Variants in BLM observed in about 807,000 individuals in gnomAD.
BLM encodes the protein recQ-like DNA helicase BLM.
BLM carries 95 observed loss-of-function variants against 135.3 expected under a neutral mutation model. The observed-to-expected ratio is 0.70, with a 90% CI of 0.59 to 0.83. The LOEUF (loss-of-function observed/expected upper bound fraction) is 0.83, where lower values mean the gene tolerates loss of function less well. Ranked by LOEUF, BLM falls within the 40% of genes least tolerant of loss-of-function variation. The probability of loss-of-function intolerance (pLI) is 0.00; values close to 1 mark genes in which losing one functional copy is unlikely to be tolerated. For synonymous variants in BLM, 520 were observed against 589.2 expected, an observed-to-expected ratio of 0.88 and a Z score of 1.70; for missense variants, 1,518 against 1,663.9, an observed-to-expected ratio of 0.91 and a Z score of 1.53.
intron 14 of BLM, among the ~76,000 whole-genome samples, chr15:90,789,558 A>T (rs1896844988): frequency 6.6e-6 from 1 of 152,270 alleles, no homozygotes; most frequent in South Asian, 2.1e-4. Context: ...TTTGCCTTTG[A>T]TCAGAGTGCC....
At position 90,800,337 on chromosome 15, in the gene BLM, C is replaced by T. The variant is rs145046625; in HGVS notation, c.3358+2000C>T. Among the ~76,000 whole-genome samples, 46 of 152,300 alleles carry T rather than the reference C, an allele frequency of 3.0e-4. 1 individual carries two copies. In the East Asian group the frequency reaches 8.7e-3, roughly 29 times the overall value. On this transcript the variant is annotated intron_variant, in intron 17 of 21. Coordinates refer to ENST00000355112, the MANE Select transcript of BLM (RefSeq NM_000057.4). ...ACCCATGGGTCCAGTGAAGAAAACC[C>T]ATAGTCACAGTCAGGCAGCAGGGCC...
At chr15:90,755,829 G>T (rs966852787) in intron 5 of BLM, among the ~76,000 whole-genome samples, 2 of 151,934 alleles carry the variant, frequency 1.3e-5, no homozygotes, top group Non-Finnish European at 2.9e-5. Flanking sequence ...CAATTTCCGA[G>T]AGCTCTTCTT....
Position 90,768,529 on chromosome 15 carries a change from C to G in BLM, c.2308-604C>G, listed in dbSNP as rs74537074. On this transcript the variant is annotated intron_variant, in intron 10 of 21. Coordinates refer to ENST00000355112, the MANE Select transcript of BLM (RefSeq NM_000057.4). ...CATCCATATAACCCAGATATGTAAC[C>G]CTGTTGCCAATGTAAATGTATGGTG... Among the ~76,000 whole-genome samples the G allele has an allele frequency of 4.9e-3, 744 of 152,192 alleles. 6 individuals are homozygous for G. Among genetic ancestry groups the G allele is most frequent in the African/African-American group, 0.017 (721 of 41,532 alleles).
chr15:90,797,913 T>G (rs1037363812), intron 16 of BLM, among the ~76,000 whole-genome samples: 3 of 152,062 alleles, frequency 2.0e-5, no homozygotes, highest in South Asian at 2.1e-4. Flanking sequence ...AATTGTGTGT[T>G]TGTGTGTGTG....
At position 90,794,337 on chromosome 15, in the gene BLM, G is replaced by T; in HGVS notation, c.3190G>T (p.Asp1064Tyr). The T allele has an allele frequency of 6.3e-7, 1 of 1,597,826 alleles. No individual in the cohort carries two copies. The highest frequency in any genetic ancestry group is 1.2e-5 in the South Asian group (1 of 85,848). ...TAAGAAACACCCAGATGTTTCTTGT[G>T]ATAATTGCTGTAAAACAAAGGTAAA... Reference protein sequence around the residue: ...FCKKHPDVSCDNCCKTKDYKT... With the variant: ...FCKKHPDVSCYNCCKTKDYKT... The change falls in exon 16 of 22, where the codon GAT (aspartate) becomes TAT (tyrosine). Residue 1064 changes from aspartate to tyrosine, a missense_variant. This residue lies in a region of BLM where 626 missense variants were observed against 681.1 expected (regional missense o/e 0.92). Coordinates refer to ENST00000355112, the MANE Select transcript of BLM (RefSeq NM_000057.4).
At chr15:90,798,032 C>G (rs1897071573) in intron 16 of BLM, among the ~76,000 whole-genome samples, 158 bp from the exon 17 acceptor site, 2 of 151,998 alleles carry the variant, frequency 1.3e-5, no homozygotes, top group South Asian at 4.2e-4. Context: ...TGTTCTAGAA[C>G]TTAGATAAGA....
intron 15 of BLM, among the ~76,000 whole-genome samples, chr15:90,793,028 T>A (rs1896942944): frequency 1.3e-5 from 2 of 150,532 alleles, no homozygotes. Flanking sequence ...AAAAAAAAAA[T>A]TTAGGCCCAA....
At chr15:90,790,904 C>G in intron 15 of BLM, 60 bp downstream of exon 15, 1 of 1,489,402 alleles carries the variant, frequency 6.7e-7, no homozygotes, top group Non-Finnish European at 9.3e-7. Context: ...TAGTAGTCTA[C>G]TCCTGCTATT....
At chr15:90,790,385 C>CATGA in intron 14 of BLM, 1 of 474,914 alleles carries the variant, frequency 2.1e-6, no homozygotes. Flanking sequence ...GGCTCTCTTA[C>CATGA]ATGAGAATGC....
At chr15:90,782,185 C>T (rs188407013) in intron 12 of BLM, among the ~76,000 whole-genome samples, 135 of 152,110 alleles carry the variant, frequency 8.9e-4, no homozygotes, top group Admixed American at 3.7e-3. Context: ...GTCAGGAGTT[C>T]GAGACCAGCC....
chr15:90,803,370 C>G (rs925042658), intron 17 of BLM, 151 bp from the exon 18 acceptor site: 2 of 645,038 alleles, frequency 3.1e-6, no homozygotes, highest in African/African-American at 3.8e-5. Flanking sequence ...TACTCAAATA[C>G]TCTCATTTAA....
intron 6 of BLM, 137 bp from the exon 7 acceptor site, chr15:90,760,457 C>A: frequency 8.1e-7 from 1 of 1,239,238 alleles, no homozygotes; most frequent in South Asian, 1.3e-5. Flanking sequence ...CATTCGTATT[C>A]ATGTTTTTAA....
At chr15:90,719,576 CAG>C (rs1894712719) in intron 1 of BLM, among the ~76,000 whole-genome samples, 1 of 152,106 alleles carries the variant, frequency 6.6e-6, no homozygotes, top group Non-Finnish European at 1.5e-5. Context: ...GCCTGGGTGA[CAG>C]AGTGAGAGTC....
chr15:90,786,788 T>C (rs1258261825), intron 14 of BLM, among the ~76,000 whole-genome samples: 1 of 151,998 alleles, frequency 6.6e-6, no homozygotes, highest in African/African-American at 2.4e-5. Context: ...CTTATTTTTG[T>C]ATTTTTAGTA....
At chr15:90,787,533 G>A (rs1018416585) in intron 14 of BLM, among the ~76,000 whole-genome samples, 1 of 152,148 alleles carries the variant, frequency 6.6e-6, no homozygotes, top group South Asian at 2.1e-4. Flanking sequence ...TTTTCTCTGG[G>A]AAAACAGAAA....
At chr15:90,752,019 A>G (rs1895700890) in intron 4 of BLM, 73 bp downstream of exon 4, 1 of 1,309,852 alleles carries the variant, frequency 7.6e-7, no homozygotes. Flanking sequence ...AGTTTATAAT[A>G]TCATTTCTAT....
At chr15:90,751,699 GA>G in intron 3 of BLM, 87 bp from the exon 4 acceptor site, 1 of 1,139,916 alleles carries the variant, frequency 8.8e-7, no homozygotes. Flanking sequence ...TGACTTGCCA[GA>G]AGCACTCATT....
chr15:90,784,666 T>C (rs1181218281), intron 13 of BLM, among the ~76,000 whole-genome samples: 1 of 151,602 alleles, frequency 6.6e-6, no homozygotes, highest in African/African-American at 2.4e-5. Context: ...CACATGTATC[T>C]AGTGTGAAGT....
At chr15:90,750,109 T>C (rs1484702378) in intron 3 of BLM, 42 bp downstream of exon 3, 5 of 1,592,200 alleles carry the variant, frequency 3.1e-6, no homozygotes, top group African/African-American at 1.3e-5. Context: ...TTCATTGTAC[T>C]TTTTTATTCA....
Sources: gnomAD v4.1 joint callset for allele counts (sites outside exome capture counted in the v4.1 genomes callset) on GRCh38, gnomAD v4.1.1 for gene constraint, gnomAD v4.1.1 regional missense constraint, MANE v1.5 for transcripts, NCBI Gene and HGNC (gene_info 2026-07-23, HGNC 2026-07-21) for gene names.